The following CSMD3 variants were observed in gnomAD, a reference collection of about 807,000 sequenced individuals.
CSMD3 encodes the protein CUB and Sushi multiple domains 3.
CSMD3 carries 177 observed loss-of-function variants against 435.2 expected under a neutral mutation model. The observed-to-expected ratio is 0.41, with a 90% CI of 0.36 to 0.46. CSMD3 has a LOEUF of 0.46. CSMD3 is among the 20% of genes least tolerant of loss of function. The pLI is 0.34. For missense variants in CSMD3, 4,265 were observed against 4,504.6 expected, an observed-to-expected ratio of 0.95 and a Z score of 1.52; for synonymous variants, 1,656 against 1,520.5, an observed-to-expected ratio of 1.09 and a Z score of -2.07.
chr8:113,016,862 T>G (rs1254674402), intron 6 of CSMD3, among the ~76,000 whole-genome samples: 1 of 151,914 alleles, frequency 6.6e-6, no homozygotes, highest in Non-Finnish European at 1.5e-5. Context: ...TTAGTACACA[T>G]ATATTTTTTA....
chr8:112,936,697 T>C (rs2083291577), intron 9 of CSMD3, among the ~76,000 whole-genome samples: 1 of 152,112 alleles, frequency 6.6e-6, no homozygotes, highest in Admixed American at 6.6e-5. Flanking sequence ...ATACCCAAAA[T>C]ATTCTAACAC....
At chr8:112,978,138 T>C (rs1216400563) in intron 6 of CSMD3, among the ~76,000 whole-genome samples, 1 of 152,006 alleles carries the variant, frequency 6.6e-6, no homozygotes, top group Non-Finnish European at 1.5e-5. Flanking sequence ...CTCATCATAA[T>C]TTTCAGACTT....
chr8:112,500,940 C>G (rs1821883674), intron 30 of CSMD3, among the ~76,000 whole-genome samples: 1 of 152,100 alleles, frequency 6.6e-6, no homozygotes, highest in African/African-American at 2.4e-5. Flanking sequence ...TCCCCGCACA[C>G]TATGTAAATG....
At chr8:112,455,401 C>T (rs1250717546) in intron 32 of CSMD3, among the ~76,000 whole-genome samples, 1 of 151,896 alleles carries the variant, frequency 6.6e-6, no homozygotes, top group African/African-American at 2.4e-5. Context: ...TACACATGGA[C>T]AGAAGGATGG....
At chr8:112,535,974 G>A (rs1225087396) in intron 27 of CSMD3, among the ~76,000 whole-genome samples, 4 of 152,092 alleles carry the variant, frequency 2.6e-5, no homozygotes, top group South Asian at 2.1e-4. Context: ...GCCATATGTC[G>A]AAAGCTGAAA....
intron 6 of CSMD3, among the ~76,000 whole-genome samples, chr8:112,990,764 A>C (rs1432541407): frequency 6.6e-6 from 1 of 151,884 alleles, no homozygotes; most frequent in Non-Finnish European, 1.5e-5. Context: ...AGAATATAGT[A>C]CAGCAGATTA....
In CSMD3 at chr8:112,263,748, C is replaced by G. The variant is rs2130384268; in HGVS notation, c.9753G>C (p.Trp3251Cys). 6.2e-7 allele frequency: 1 copy of G among 1,613,800 alleles called. No homozygotes were observed. Among genetic ancestry groups the G allele is most frequent in the Non-Finnish European group, 8.5e-7 (1 of 1,179,814 alleles). Reference protein sequence around the residue: ...NGRLEGTNFDWGFSISYICSP... With the variant: ...NGRLEGTNFDCGFSISYICSP... ...AACAGATGTAGCTAATACTAAAGCCCCAGTCGAAATTTGTTCCTTCCAGCC... is the reference window on the plus strand; with the variant it reads ...AACAGATGTAGCTAATACTAAAGCCGCAGTCGAAATTTGTTCCTTCCAGCC... Residue 3251 changes from tryptophan to cysteine, a missense_variant, in exon 61 of 71, where the codon TGG (tryptophan) becomes TGC (cysteine). Transcript: ENST00000297405.
Position 112,224,542 on chromosome 8 carries a change from C to T in CSMD3, c.*229G>A. On this transcript the variant is annotated 3_prime_UTR_variant, in exon 71 of 71. Transcript: ENST00000297405. ...CTCCTTTTTAAAAAAAGCAAATAAACTGTGAGTAAGCACTCTCAGAGTGCA... is the reference window on the plus strand; with the variant it reads ...CTCCTTTTTAAAAAAAGCAAATAAATTGTGAGTAAGCACTCTCAGAGTGCA... The T allele has an allele frequency of 1.8e-6, 1 of 563,782 alleles. No individual in the cohort carries two copies. Among genetic ancestry groups the T allele is most frequent in the East Asian group, 3.0e-5 (1 of 33,018 alleles). 34.9% of individuals were successfully genotyped at this position (563,782 alleles called of 1,614,324 possible).
At chr8:112,854,999 T>C (rs2080606097) in intron 11 of CSMD3, among the ~76,000 whole-genome samples, 1 of 152,166 alleles carries the variant, frequency 6.6e-6, no homozygotes, top group Non-Finnish European at 1.5e-5. Flanking sequence ...AACTGTGATG[T>C]GATAAACTTG....
At chr8:112,405,222 T>TATATATATATATATATATATATATATAC (rs1831713190) in intron 35 of CSMD3, among the ~76,000 whole-genome samples, 2 of 52,402 alleles carry the variant, frequency 3.8e-5, no homozygotes, top group African/African-American at 1.4e-4. Context: ...CCCATATATA[T>TATATATATATATATATATATATATATAC]ATATATATAT....
At chr8:112,725,879 G>GT (rs1353939226) in intron 13 of CSMD3, among the ~76,000 whole-genome samples, 1 of 151,936 alleles carries the variant, frequency 6.6e-6, no homozygotes, top group South Asian at 2.1e-4. Context: ...TGCAACCTGT[G>GT]TATGAATGCT....
Position 112,318,897 on chromosome 8 carries a change from T to C in CSMD3, c.7300A>G (p.Ile2434Val), listed in dbSNP as rs1433052564. Residue 2434 changes from isoleucine to valine, a missense_variant, in exon 47 of 71, where the codon ATT becomes GTT. By Grantham distance (29) the Ile-to-Val change is conservative (BLOSUM62 3). Around this residue, in one of 3 missense-constraint regions of CSMD3, gnomAD observed 3,255 missense variants for 3,380.2 expected, o/e 0.96. Transcript: ENST00000297405. Reference protein sequence around the residue: ...LPGFTLVGNAILTCRLGERLQ... With the variant: ...LPGFTLVGNAVLTCRLGERLQ... Reference sequence around the variant, plus strand: ...CGTTCTCCTAATCTGCACGTCAGAATTGCATTACCAACTAAAGTAAATCCT... The same window carrying C: ...CGTTCTCCTAATCTGCACGTCAGAACTGCATTACCAACTAAAGTAAATCCT... The C allele has an allele frequency of 8.1e-6, 13 of 1,612,578 alleles. No individual in the cohort carries two copies. Among genetic ancestry groups the C allele is most frequent in the Admixed American group, 1.7e-5 (1 of 59,864 alleles).
intron 12 of CSMD3, among the ~76,000 whole-genome samples, chr8:112,822,877 C>T (rs1256462475): frequency 3.9e-5 from 6 of 152,124 alleles, no homozygotes; most frequent in South Asian, 4.1e-4. Flanking sequence ...GCCTTTTCTG[C>T]ATCTATTAAG....
chr8:112,710,684 T>TA (rs1454860420), intron 13 of CSMD3, among the ~76,000 whole-genome samples: 2 of 151,648 alleles, frequency 1.3e-5, no homozygotes, highest in African/African-American at 4.8e-5. Context: ...AGGCAAAGTC[T>TA]AAAAAATCTC....
rs180754274 is a variant in CSMD3, at chr8:113,246,853, G to C, written c.514+31739C>G. On this transcript the variant is annotated intron_variant, in intron 3 of 70. Coordinates refer to ENST00000297405, the MANE Select transcript of CSMD3 (RefSeq NM_198123.2). ...TCTCAGTGCTTGACTAAGATTGAAC[G>C]GAGATTTATTTAAATTCCTTGAACC... Among the ~76,000 whole-genome samples the C allele has an allele frequency of 1.8e-3, 268 of 152,230 alleles. 2 individuals are homozygous for C. The highest frequency in any genetic ancestry group is 6.1e-3 in the African/African-American group (253 of 41,562).
intron 9 of CSMD3, among the ~76,000 whole-genome samples, chr8:112,945,588 ATGTGTGTGTGTGTGTGTGTG>A (rs10574750): frequency 2.8e-5 from 4 of 140,586 alleles, no homozygotes; most frequent in Non-Finnish European, 6.2e-5. Context: ...ATACAGAAAT[ATGTGTGTGTGTGTGTGTGTG>A]TGTGTGTGTG....
rs371721647 is a variant in CSMD3, at chr8:112,470,799, A to C, written c.5395+1792T>G. Among the ~76,000 whole-genome samples, 16 of 152,220 alleles carry C rather than the reference A, an allele frequency of 1.1e-4. No homozygotes were observed. The East Asian group carries it at 1.7e-3, about 17-fold the overall frequency. ...GCTGAAATTAGAATACAGGTGCTTA[A>C]ATATATATGTAACTTAAAATGAAGA... On this transcript the variant is annotated intron_variant, in intron 32 of 70. Transcript: ENST00000297405.
chr8:112,314,067 T>C lies in CSMD3; in HGVS notation c.7550-15A>G, dbSNP rs759876249. 6.3e-7 allele frequency: 1 copy of C among 1,579,626 alleles called. No homozygotes were observed. The highest frequency in any genetic ancestry group is 1.3e-5 in the African/African-American group (1 of 74,300). On this transcript the variant is annotated splice_polypyrimidine_tract_variant and intron_variant, in intron 48 of 70. Transcript: ENST00000297405. ...AATATTTGGTCCTTTGGGAAGAAAA[T>C]AAAACAATTTAGATAAAGCTAATTA...
intron 4 of CSMD3, among the ~76,000 whole-genome samples, chr8:113,164,067 G>A (rs958860241): frequency 6.6e-6 from 1 of 151,836 alleles, no homozygotes; most frequent in African/African-American, 2.4e-5. Context: ...TAAACTAATC[G>A]TGTTTTCCAG....
Sources: gnomAD v4.1 joint callset for allele counts (sites outside exome capture counted in the v4.1 genomes callset) on GRCh38, gnomAD v4.1.1 for gene constraint, gnomAD v4.1.1 regional missense constraint, MANE v1.5 for transcripts, NCBI Gene and HGNC (gene_info 2026-07-23, HGNC 2026-07-21) for gene names.